FAM210A: variants seen among roughly 807,000 people sequenced by gnomAD.
FAM210A encodes mitochondrial inner membrane scaffold 1.
Under a neutral mutation model 25.3 loss-of-function variants are expected in FAM210A, and 13 were observed. That is an observed-to-expected ratio of 0.51 (90% confidence interval 0.33 to 0.82). The LOEUF (loss-of-function observed/expected upper bound fraction) is 0.82, where lower values mean the gene tolerates loss of function less well. Among genes scored for constraint, FAM210A ranks in the 40% least tolerant of loss-of-function variants. The pLI is 0.02. For missense variants in FAM210A, 319 were observed against 323.2 expected (o/e 0.99, Z 0.10); for synonymous variants, 125 against 118.7 (o/e 1.05, Z -0.35).
chr18:13,664,652 T>A lies in FAM210A; in HGVS notation c.*1828A>T, dbSNP rs1226727852. On this transcript the variant is annotated 3_prime_UTR_variant, in exon 4 of 4. Coordinates refer to ENST00000651643, the MANE Select transcript of FAM210A (RefSeq NM_152352.4). ...CAGAGAGCAGAGACACAGCTGCATC[T>A]CTCAGCACTCTCCCCGGCCCCCAAG... The A allele has an allele frequency of 6.6e-6, 1 of 152,152 alleles. No individual in the cohort carries two copies. Among genetic ancestry groups the A allele is most frequent in the Non-Finnish European group, 1.5e-5 (1 of 68,038 alleles). 9.4% of individuals were successfully genotyped at this position (152,152 alleles called of 1,614,324 possible).
Position 13,721,379 on chromosome 18 carries a change from G to T in FAM210A, c.-29+4950C>A, listed in dbSNP as rs373066246. ...AGCAGCTGCAATTAGTCACTACTCA[G>T]TTAAGTTTATGATAATCCACTGTCA... On this transcript the variant is annotated intron_variant, in intron 1 of 3. Coordinates refer to ENST00000651643, the MANE Select transcript of FAM210A (RefSeq NM_152352.4). Among the ~76,000 whole-genome samples, 35 of 152,280 alleles carry T rather than the reference G, an allele frequency of 2.3e-4. No homozygotes were observed. In the South Asian group the frequency reaches 7.0e-3, roughly 31 times the overall value.
chr18:13,688,595 TGGACAAGAATTCA>T (rs1173125334), intron 1 of FAM210A, among the ~76,000 whole-genome samples: 2 of 152,256 alleles, frequency 1.3e-5, no homozygotes, highest in Non-Finnish European at 2.9e-5. Flanking sequence ...TCTTGGGCAC[TGGACAAGAATTCA>T]GGAGGTGCCA....
At chr18:13,667,634 G>A (rs143345488) in intron 3 of FAM210A, among the ~76,000 whole-genome samples, 158 of 152,254 alleles carry the variant, frequency 1.0e-3, no homozygotes, top group Admixed American at 2.2e-3. Context: ...CAGGAGAATC[G>A]CTTGAACCCG....
At chr18:13,721,153 G>T (rs1473793502) in intron 1 of FAM210A, among the ~76,000 whole-genome samples, 1 of 152,142 alleles carries the variant, frequency 6.6e-6, no homozygotes, top group African/African-American at 2.4e-5. Context: ...AGATCACAGA[G>T]ATCTTGTTAT....
rs935658326 is a variant in FAM210A at position 13,666,771 on chromosome 18, C to T, written c.586-58G>A. On this transcript the variant is annotated intron_variant, in intron 3 of 3. Transcript: ENST00000651643. ...ACCTGGTTATTACTGTCATCTTAAG[C>T]AAAAACAAGTTAAAATTAAAATTCT... is the stretch of plus-strand genomic sequence containing the variant. 4.2e-5 allele frequency: 61 copies of T among 1,436,366 alleles called. 1 individual carries two copies. The African/African-American group carries it at 4.9e-4, about 11-fold the overall frequency. The allele number at this position is 1,436,366 out of a possible 1,614,324, so 89.0% of individuals were successfully genotyped here.
chr18:13,720,337 C>A (rs191852712), intron 1 of FAM210A, among the ~76,000 whole-genome samples: 1 of 152,118 alleles, frequency 6.6e-6, no homozygotes, highest in Non-Finnish European at 1.5e-5. Context: ...TGTAGAGGCG[C>A]CTTTTGTTCT....
chr18:13,695,187 T>C (rs928172538), intron 1 of FAM210A, among the ~76,000 whole-genome samples: 1 of 152,208 alleles, frequency 6.6e-6, no homozygotes, highest in African/African-American at 2.4e-5. Flanking sequence ...CCAGTTAGAA[T>C]GGCGATCATT....
intron 1 of FAM210A, among the ~76,000 whole-genome samples, chr18:13,719,694 T>C (rs2043884629): frequency 6.6e-6 from 1 of 150,812 alleles, no homozygotes; most frequent in Non-Finnish European, 1.5e-5. Flanking sequence ...GACTGTTCAC[T>C]ATTTCAAACT....
intron 1 of FAM210A, among the ~76,000 whole-genome samples, chr18:13,715,881 T>TA (rs2043857879): frequency 6.6e-6 from 1 of 152,200 alleles, no homozygotes; most frequent in Non-Finnish European, 1.5e-5. Context: ...GTGCTATCCT[T>TA]GTTTCTACTG....
chr18:13,672,916 G>A (rs1034652884), intron 2 of FAM210A, among the ~76,000 whole-genome samples: 1 of 152,198 alleles, frequency 6.6e-6, no homozygotes, highest in Admixed American at 6.5e-5. Context: ...CTGGAGACAG[G>A]AGAGAAGGCA....
intron 3 of FAM210A, among the ~76,000 whole-genome samples, chr18:13,667,333 C>T (rs1314540660): frequency 3.3e-5 from 5 of 152,204 alleles, no homozygotes; most frequent in African/African-American, 9.7e-5. Flanking sequence ...ACAGGTTTAA[C>T]GTTAATTGGA....
chr18:13,670,023 C>T (rs1293152354), intron 3 of FAM210A, among the ~76,000 whole-genome samples: 2 of 152,182 alleles, frequency 1.3e-5, no homozygotes, highest in Non-Finnish European at 2.9e-5. Flanking sequence ...ACACCACTGG[C>T]ACTCATCTCC....
chr18:13,703,561 C>T (rs1004938637), intron 1 of FAM210A, among the ~76,000 whole-genome samples: 1 of 152,170 alleles, frequency 6.6e-6, no homozygotes, highest in Admixed American at 6.5e-5. Context: ...GCACTAGAAA[C>T]TGCATGTTTC....
rs1343334449 is a variant in FAM210A at position 13,663,824 on chromosome 18, A to C, written c.*2656T>G. 2 of 152,050 alleles carry C rather than the reference A, an allele frequency of 1.3e-5. No homozygotes were observed. Among genetic ancestry groups the C allele is most frequent in the Admixed American group, 6.5e-5 (1 of 15,280 alleles). 9.4% of individuals were successfully genotyped at this position (152,050 alleles called of 1,614,324 possible). On this transcript the variant is annotated 3_prime_UTR_variant, in exon 4 of 4. Transcript: ENST00000651643. ...AGTGAGACTCTGTCTCAAAAAAATAAATATAAATATAAATATAAATGTAGA... is the reference window on the plus strand; with the variant it reads ...AGTGAGACTCTGTCTCAAAAAAATACATATAAATATAAATATAAATGTAGA...
intron 1 of FAM210A, among the ~76,000 whole-genome samples, chr18:13,725,066 C>A (rs116611306): frequency 6.6e-6 from 1 of 152,122 alleles, no homozygotes; most frequent in Admixed American, 6.5e-5. Context: ...CCACTGCACC[C>A]GGTGTTTAAA....
intron 1 of FAM210A, among the ~76,000 whole-genome samples, chr18:13,696,916 C>T (rs2043699129): frequency 6.6e-6 from 1 of 152,172 alleles, no homozygotes; most frequent in Non-Finnish European, 1.5e-5. Flanking sequence ...AGAGCAACTT[C>T]CAGTACTGCA....
intron 1 of FAM210A, among the ~76,000 whole-genome samples, chr18:13,714,294 C>T (rs8094948): frequency 0.075 from 11,479 of 152,156 alleles, 757 homozygotes; most frequent in African/African-American, 0.17. Context: ...GCTAACTGAA[C>T]TACAGTGGTC....
rs1043139465 is a variant in FAM210A, at chr18:13,664,533, T to G, written c.*1947A>C. The G allele has an allele frequency of 1.3e-5, 2 of 152,214 alleles. No homozygotes were observed. The highest frequency in any genetic ancestry group is 4.8e-5 in the African/African-American group (2 of 41,458). 9.4% of individuals were successfully genotyped at this position (152,214 alleles called of 1,614,324 possible). A position where few individuals can be genotyped will look rare whatever the true frequency, so the allele number is the denominator to read the frequency against. On this transcript the variant is annotated 3_prime_UTR_variant, in exon 4 of 4. Coordinates refer to ENST00000651643, the MANE Select transcript of FAM210A (RefSeq NM_152352.4). ...TTTGATAAATACTTAAAAAACATGT[T>G]AATCATGTTTAGATTTGAAAATGTG...
chr18:13,700,920 G>A (rs137937293), intron 1 of FAM210A, among the ~76,000 whole-genome samples: 110 of 152,222 alleles, frequency 7.2e-4, no homozygotes, highest in African/African-American at 2.4e-3. Context: ...GTTTCTATAC[G>A]TTGCTTCTGA....
Sources: gnomAD v4.1 joint callset for allele counts (sites outside exome capture counted in the v4.1 genomes callset) on GRCh38, gnomAD v4.1.1 for gene constraint, MANE v1.5 for transcripts, NCBI Gene and HGNC (gene_info 2026-07-23, HGNC 2026-07-21) for gene names.